The following PARD3B variants were observed in gnomAD, a reference collection of about 807,000 sequenced individuals.
PARD3B encodes the protein par-3 family cell polarity regulator beta, also known as partitioning defective 3 homolog B.
In PARD3B, 103 loss-of-function variants were observed where a neutral mutation model predicts 130.2. The ratio of observed to expected loss-of-function variants is 0.79; its 90% CI spans 0.67 to 0.93. The LOEUF (loss-of-function observed/expected upper bound fraction) is 0.93, where lower values mean the gene tolerates loss of function less well. PARD3B is among the 40% of genes least tolerant of loss of function. The pLI is 0.00. For synonymous variants in PARD3B, 583 were observed against 553.2 expected, an observed-to-expected ratio of 1.05 and a Z score of -0.76; for missense variants, 1,609 against 1,499.2, an observed-to-expected ratio of 1.07 and a Z score of -1.21.
intron 2 of PARD3B, among the ~76,000 whole-genome samples, chr2:204,812,355 CAG>C (rs2042993534): frequency 6.6e-6 from 1 of 152,044 alleles, no homozygotes; most frequent in Admixed American, 6.6e-5. Context: ...GGCAGAGTGA[CAG>C]AGTGAGGCAG....
chr2:205,036,926 A>G (rs1329194567), intron 3 of PARD3B, among the ~76,000 whole-genome samples: 2 of 151,386 alleles, frequency 1.3e-5, no homozygotes, highest in East Asian at 3.9e-4. Flanking sequence ...GTATATATAA[A>G]AAACATATAG....
At chr2:205,226,621 T>C (rs964095383) in intron 15 of PARD3B, among the ~76,000 whole-genome samples, 6 of 152,212 alleles carry the variant, frequency 3.9e-5, no homozygotes, top group African/African-American at 1.2e-4. Flanking sequence ...AGACTGTTCT[T>C]TCCCCAGTGT....
intron 2 of PARD3B, among the ~76,000 whole-genome samples, chr2:204,699,343 A>T (rs2037772266): frequency 6.6e-6 from 1 of 152,164 alleles, no homozygotes; most frequent in Non-Finnish European, 1.5e-5. Flanking sequence ...ATGTCCAAGC[A>T]ATATAAAGAC....
intron 3 of PARD3B, among the ~76,000 whole-genome samples, chr2:205,037,654 CTATATATAATGTATATAGTGGACTA>C (rs904045186): frequency 2.2e-4 from 32 of 142,798 alleles, no homozygotes; most frequent in Non-Finnish European, 4.4e-4. Context: ...ATATAGTGGA[CTATATATAATGTATATAGTGGACTA>C]TATATATATA....
intron 2 of PARD3B, among the ~76,000 whole-genome samples, chr2:204,735,677 A>C (rs913540573): frequency 6.6e-6 from 1 of 152,114 alleles, no homozygotes; most frequent in Non-Finnish European, 1.5e-5. Flanking sequence ...CAAGTGGAAA[A>C]ATTTTAAAAT....
intron 5 of PARD3B, among the ~76,000 whole-genome samples, chr2:205,109,779 G>A (rs997582084): frequency 8.0e-5 from 12 of 149,782 alleles, no homozygotes; most frequent in African/African-American, 1.2e-4. Context: ...TCAGCCTCCC[G>A]AGTAGCTGGG....
chr2:205,403,931 A>C (rs1196098969), intron 19 of PARD3B, among the ~76,000 whole-genome samples: 4 of 97,848 alleles, frequency 4.1e-5, no homozygotes, highest in Non-Finnish European at 2.4e-5. Context: ...AACAAATTAG[A>C]AACCCTAGCC....
At chr2:205,290,297 A>C (rs62171474) in intron 16 of PARD3B, among the ~76,000 whole-genome samples, 4,661 of 152,292 alleles carry the variant, frequency 0.031, 84 homozygotes, top group Middle Eastern at 0.058. Flanking sequence ...TTTGCTCTAC[A>C]CATAGACTAG....
chr2:205,286,420 T>G (rs879548907), intron 16 of PARD3B, among the ~76,000 whole-genome samples: 23 of 152,190 alleles, frequency 1.5e-4, no homozygotes, highest in Admixed American at 6.5e-4. Context: ...ATGTAGAAAC[T>G]GAAGCCCAGA....
At chr2:205,092,122 G>T (rs1702149078) in intron 4 of PARD3B, among the ~76,000 whole-genome samples, 1 of 152,152 alleles carries the variant, frequency 6.6e-6, no homozygotes, top group Admixed American at 6.5e-5. Context: ...GATGCCTGTG[G>T]ACATGGATGT....
rs570901037 is a variant in PARD3B, at chr2:204,696,868, AAAG to A, written c.222+10592_222+10594del. 3.1e-3 allele frequency among the ~76,000 whole-genome samples: 472 copies of A among 152,236 alleles called. 1 individual carries two copies. Among genetic ancestry groups the A allele is most frequent in the African/African-American group, 0.011 (459 of 41,572 alleles). On this transcript the variant is annotated intron_variant, in intron 2 of 22. Coordinates refer to ENST00000406610, the MANE Select transcript of PARD3B (RefSeq NM_001302769.2). ...GATCAAGTGACATTTTCTTAACAAT[AAAG>A]AAGAAAGCCTCCTTGTGCAGACTTT... is the stretch of plus-strand genomic sequence containing the variant.
intron 11 of PARD3B, among the ~76,000 whole-genome samples, chr2:205,161,659 G>A (rs954127152): frequency 6.6e-6 from 1 of 152,178 alleles, no homozygotes; most frequent in Non-Finnish European, 1.5e-5. Flanking sequence ...CTGTTGAGAG[G>A]ATACACATGT....
intron 16 of PARD3B, among the ~76,000 whole-genome samples, chr2:205,279,376 C>T (rs575932749): frequency 7.6e-4 from 116 of 152,264 alleles, no homozygotes; most frequent in Non-Finnish European, 1.4e-3. Flanking sequence ...GGCTAACTAA[C>T]GCCATTGGAG....
At chr2:205,382,726 T>C (rs1606237) in intron 18 of PARD3B, among the ~76,000 whole-genome samples, 84,643 of 151,762 alleles carry the variant, frequency 0.56, 27,130 homozygotes, top group South Asian at 0.76. Context: ...CTCTATTCGC[T>C]TAGTTATGTC....
intron 13 of PARD3B, among the ~76,000 whole-genome samples, chr2:205,180,680 T>C (rs1299547669): frequency 6.6e-6 from 1 of 152,082 alleles, no homozygotes; most frequent in Non-Finnish European, 1.5e-5. Flanking sequence ...TAATAGTACA[T>C]ACCACCCACA....
At chr2:204,794,870 C>A (rs2042317857) in intron 2 of PARD3B, among the ~76,000 whole-genome samples, 3 of 152,052 alleles carry the variant, frequency 2.0e-5, no homozygotes, top group Admixed American at 1.3e-4. Flanking sequence ...ATGGCCCTTG[C>A]CTTTGAAAAT....
intron 18 of PARD3B, among the ~76,000 whole-genome samples, chr2:205,315,644 A>AGTTT (rs372865103): frequency 1.9e-3 from 289 of 152,130 alleles, no homozygotes; most frequent in East Asian, 3.9e-3. Flanking sequence ...TTCTCGTCCC[A>AGTTT]GTTTGTTTGT....
rs1420645085 is a variant in PARD3B at position 205,281,139 on chromosome 2, G to A, written c.2186-19391G>A. On this transcript the variant is annotated intron_variant, in intron 16 of 22. Coordinates refer to ENST00000406610, the MANE Select transcript of PARD3B (RefSeq NM_001302769.2). The surrounding 1 kb of genome is among the most constrained non-coding windows in gnomAD (Gnocchi z 4.2). ...GCTGGGCTGCTGGGGAGGGGCATAG[G>A]CAGCCATAAAATGAAGCCGTAAACA... 2.6e-5 allele frequency among the ~76,000 whole-genome samples: 4 copies of A among 152,134 alleles called. No individual in the cohort carries two copies. Among genetic ancestry groups the A allele is most frequent in the African/African-American group, 9.7e-5 (4 of 41,404 alleles).
intron 4 of PARD3B, among the ~76,000 whole-genome samples, chr2:205,101,618 G>A (rs1032498948): frequency 1.3e-5 from 2 of 152,232 alleles, no homozygotes; most frequent in South Asian, 4.1e-4. Flanking sequence ...AGGCAAGAGT[G>A]GAAACAACCC....
Sources: gnomAD v4.1 joint callset for allele counts (sites outside exome capture counted in the v4.1 genomes callset) on GRCh38, gnomAD v4.1.1 for gene constraint, Gnocchi (gnomAD v3.1) non-coding constraint, MANE v1.5 for transcripts, NCBI Gene and HGNC (gene_info 2026-07-23, HGNC 2026-07-21) for gene names.